Variants in AFG2A observed in about 807,000 individuals in gnomAD.
The protein encoded by AFG2A is AAA ATPase AFG2A.
At chr4:123,197,234 G>A in the AFG2A span, among the ~76,000 whole-genome samples, 3 of 152,128 alleles carry the variant, frequency 2.0e-5, no homozygotes, top group Non-Finnish European at 2.9e-5. Context: ...TATAGAAAAC[G>A]TTTGTTTAAA....
the AFG2A span, among the ~76,000 whole-genome samples, chr4:123,234,756 T>C: frequency 2.0e-5 from 3 of 152,174 alleles, no homozygotes; most frequent in African/African-American, 7.2e-5. Flanking sequence ...GACTGAGTAT[T>C]CATAAGACTT....
the AFG2A span, among the ~76,000 whole-genome samples, chr4:123,290,361 G>T: frequency 6.6e-6 from 1 of 152,086 alleles, no homozygotes; most frequent in Admixed American, 6.6e-5. Flanking sequence ...TCCATCTTGA[G>T]TTCTTTTTTT....
chr4:123,295,588 C>T, the AFG2A span, among the ~76,000 whole-genome samples: 7 of 152,208 alleles, frequency 4.6e-5, no homozygotes, highest in South Asian at 2.1e-4. Flanking sequence ...AGCCAGACGC[C>T]GTGGCTCACG....
the AFG2A span, among the ~76,000 whole-genome samples, chr4:123,032,334 G>A: frequency 5.3e-5 from 8 of 152,226 alleles, no homozygotes; most frequent in African/African-American, 9.6e-5. Flanking sequence ...TTAAGTTTTC[G>A]ACTTTACAAT....
the AFG2A span, among the ~76,000 whole-genome samples, chr4:123,218,365 G>A: frequency 3.9e-5 from 6 of 152,162 alleles, no homozygotes; most frequent in African/African-American, 1.4e-4. Context: ...GTTTTTGTTA[G>A]AGTGTTTTGT....
chr4:123,245,290 G>T, the AFG2A span, among the ~76,000 whole-genome samples: 3 of 151,996 alleles, frequency 2.0e-5, no homozygotes, highest in East Asian at 5.8e-4. Flanking sequence ...AGAACCCATG[G>T]GTTTATATAT....
chr4:122,984,182 T>C, the AFG2A span, among the ~76,000 whole-genome samples: 1 of 152,208 alleles, frequency 6.6e-6, no homozygotes, highest in African/African-American at 2.4e-5. Flanking sequence ...ACTCCTTGGT[T>C]AGGTGTATTC....
the AFG2A span, among the ~76,000 whole-genome samples, chr4:123,287,385 G>T: frequency 6.6e-6 from 1 of 152,180 alleles, no homozygotes; most frequent in South Asian, 2.1e-4. Context: ...CACACAAATT[G>T]TGTGGTTCTG....
the AFG2A span, among the ~76,000 whole-genome samples, chr4:122,956,023 G>A: frequency 6.6e-6 from 1 of 152,178 alleles, no homozygotes; most frequent in African/African-American, 2.4e-5. Flanking sequence ...TGTAGGACTT[G>A]CCATGTTCAG....
chr4:123,285,476 G>A, the AFG2A span, among the ~76,000 whole-genome samples: 2 of 151,976 alleles, frequency 1.3e-5, no homozygotes, highest in African/African-American at 4.8e-5. Flanking sequence ...AATCACCCCG[G>A]TCCTGTCAGA....
the AFG2A span, among the ~76,000 whole-genome samples, chr4:122,954,833 C>CT: frequency 6.6e-6 from 1 of 151,968 alleles, no homozygotes; most frequent in Non-Finnish European, 1.5e-5. Flanking sequence ...TAGATCCACC[C>CT]CCTGCAACAG....
At chr4:123,216,642 G>C in the AFG2A span, among the ~76,000 whole-genome samples, 2 of 149,924 alleles carry the variant, frequency 1.3e-5, no homozygotes, top group African/African-American at 4.9e-5. Flanking sequence ...TGCTAACAGA[G>C]CCATCACGTT....
the AFG2A span, among the ~76,000 whole-genome samples, chr4:123,197,638 G>A: frequency 2.6e-5 from 4 of 151,910 alleles, no homozygotes; most frequent in African/African-American, 4.8e-5. Context: ...GCACAGTGGC[G>A]GCGCCTGTAA....
chr4:123,107,647 T>C, the AFG2A span, among the ~76,000 whole-genome samples: 1 of 152,336 alleles, frequency 6.6e-6, no homozygotes, highest in Non-Finnish European at 1.5e-5. Context: ...CCCAGGAGCC[T>C]GTCTGCCTTC....
chr4:123,079,526 T>G, the AFG2A span, among the ~76,000 whole-genome samples: 2 of 152,064 alleles, frequency 1.3e-5, no homozygotes, highest in African/African-American at 4.8e-5. Context: ...AACTGTTTAG[T>G]TATGTTCCAT....
At chr4:123,209,507 A>G in the AFG2A span, among the ~76,000 whole-genome samples, 1 of 151,992 alleles carries the variant, frequency 6.6e-6, no homozygotes, top group African/African-American at 2.4e-5. Flanking sequence ...AAGGATAGAA[A>G]AGGAGATTGA....
the AFG2A span, among the ~76,000 whole-genome samples, chr4:123,004,597 A>G: frequency 6.6e-6 from 1 of 152,190 alleles, no homozygotes; most frequent in African/African-American, 2.4e-5. Flanking sequence ...GGAATGTAGT[A>G]TTCCTTTTGC....
the AFG2A span, among the ~76,000 whole-genome samples, chr4:123,031,470 A>G: frequency 7.9e-5 from 12 of 152,118 alleles, no homozygotes; most frequent in Non-Finnish European, 1.3e-4. Flanking sequence ...GTTTAATTTT[A>G]ACTTCCTGTT....
At chr4:123,007,666 C>CACACACAT in the AFG2A span, among the ~76,000 whole-genome samples, 6,906 of 126,216 alleles carry the variant, frequency 0.055, 579 homozygotes, top group African/African-American at 0.15. Context: ...CACACACACA[C>CACACACAT]ATATATGGAC....
Sources: gnomAD v4.1 joint callset for allele counts (sites outside exome capture counted in the v4.1 genomes callset) on GRCh38, gnomAD v4.1.1 for gene constraint, MANE v1.5 for transcripts, NCBI Gene and HGNC (gene_info 2026-07-23, HGNC 2026-07-21) for gene names.